GABRP: variants seen among roughly 807,000 people sequenced by gnomAD.
The protein encoded by GABRP is gamma-aminobutyric acid receptor subunit pi.
A neutral mutation model predicts 47.8 loss-of-function variants in GABRP; 52 were observed. That is an observed-to-expected ratio of 1.09 (90% confidence interval 0.87 to 1.37). The LOEUF is 1.37. Among genes scored for constraint, GABRP ranks in the 40% most tolerant of loss-of-function variants. The pLI is 0.00. For synonymous variants in GABRP, 221 were observed against 205.8 expected (o/e 1.07, Z -0.63); for missense variants, 525 against 542.8 (o/e 0.97, Z 0.33).
intron 4 of GABRP, among the ~76,000 whole-genome samples, chr5:170,794,990 A>C (rs11953013): frequency 0.038 from 5,516 of 146,244 alleles, 333 homozygotes; most frequent in African/African-American, 0.13. Context: ...TATGCCACTA[A>C]CCCAAGACTG....
intron 4 of GABRP, among the ~76,000 whole-genome samples, chr5:170,794,715 A>G (rs1237940274): frequency 6.6e-6 from 1 of 152,116 alleles, no homozygotes; most frequent in Non-Finnish European, 1.5e-5. Flanking sequence ...GATGCTGACA[A>G]CGACTGTCTC....
chr5:170,809,736 A>G lies in GABRP; in HGVS notation c.1001A>G (p.Gln334Arg). ...GTTGCTCACTACAGTTCCTTACAGC[A>G]GATGGCAGCCAAAGATAGGGTAAGA... ...YAVAHYSSLQ[Q>R]MAAKDRGTTK... The change falls in exon 9 of 10, where the codon CAG becomes CGG. Residue 334 changes from glutamine (Q) to arginine (R), a missense_variant. By Grantham distance (43) the Gln-to-Arg change is conservative. Coordinates refer to ENST00000265294, the MANE Select transcript of GABRP (RefSeq NM_014211.3). 1.3e-6 allele frequency: 2 copies of G among 1,598,442 alleles called. No homozygotes were observed. The highest frequency in any genetic ancestry group is 1.7e-6 in the Non-Finnish European group (2 of 1,172,400).
Position 170,798,876 on chromosome 5 carries a change from C to T in GABRP, c.541+1328C>T, listed in dbSNP as rs866234514. ...GTTTGTTACATATGTATACATGTGC[C>T]GTGTTGGTGTGCTGCACCCATTAAC... On this transcript the variant is annotated intron_variant, in intron 6 of 9. Coordinates refer to ENST00000265294, the MANE Select transcript of GABRP (RefSeq NM_014211.3). Among the ~76,000 whole-genome samples, 12 of 151,756 alleles carry T rather than the reference C, an allele frequency of 7.9e-5. No homozygotes were observed. In the South Asian group the frequency reaches 8.3e-4, roughly 11 times the overall value.
rs1765833422 is a variant in GABRP, at chr5:170,809,742, C to A, written c.1007C>A (p.Ala336Glu). Residue 336 changes from alanine (A) to glutamate (E), a missense_variant, in exon 9 of 10, where the codon GCA becomes GAA. By Grantham distance (107) the Ala-to-Glu change is moderately radical (BLOSUM62 -1). Transcript: ENST00000265294. The part of the protein sequence containing the change: ...VAHYSSLQQM[A>E]AKDRGTTKEV... The stretch of plus-strand genomic sequence containing the variant: ...CACTACAGTTCCTTACAGCAGATGG[C>A]AGCCAAAGATAGGGTAAGAGTCTTG... The A allele has an allele frequency of 6.3e-7, 1 of 1,594,598 alleles. No homozygotes were observed. The highest frequency in any genetic ancestry group is 8.5e-7 in the Non-Finnish European group (1 of 1,170,656).
rs1046440659 is a variant in GABRP at position 170,809,495 on chromosome 5, G to T, written c.833-73G>T. 1.2e-5 allele frequency: 18 copies of T among 1,465,090 alleles called. No homozygotes were observed. In the African/African-American group the frequency reaches 2.5e-4, roughly 20 times the overall value. 90.8% of individuals were successfully genotyped at this position (1,465,090 alleles called of 1,614,324 possible). On this transcript the variant is annotated intron_variant, in intron 8 of 9. Transcript: ENST00000265294. ...CCCTCACCCTGCCAATTCTCAAATG[G>T]GGACACTCTGCCAGGCTATGGTGGA...
chr5:170,795,535 A>C lies in GABRP; in HGVS notation c.458+110A>C, dbSNP rs115055063. The C allele has an allele frequency of 8.9e-3, 7,163 of 802,856 alleles. 53 individuals carry two copies. The highest frequency in any genetic ancestry group is 0.012 in the Non-Finnish European group (5,632 of 473,212). The allele number at this position is 802,856 out of a possible 1,614,324, so 49.7% of individuals were successfully genotyped here. ...ACTCAAATAGCCACTGTGAGGTCCC[A>C]TGGCTTCTTAGATCCTTGCCCCCAT... On this transcript the variant is annotated intron_variant, in intron 5 of 9. Transcript: ENST00000265294.
rs868598203 is a variant in GABRP, at chr5:170,796,471, G to A, written c.459-995G>A. On this transcript the variant is annotated intron_variant, in intron 5 of 9. Transcript: ENST00000265294. ...ATTGTGTAAGGATTACAAATAATGA[G>A]TGATGTTTTAATAGCCTGGCTCTAG... Among the ~76,000 whole-genome samples the A allele has an allele frequency of 3.3e-5, 5 of 152,316 alleles. No individual in the cohort carries two copies. The Middle Eastern group carries it at 0.017, about 518-fold the overall frequency.
At chr5:170,793,356 C>T (rs1011177634) in intron 3 of GABRP, among the ~76,000 whole-genome samples, 1 of 152,196 alleles carries the variant, frequency 6.6e-6, no homozygotes, top group Non-Finnish European at 1.5e-5. Context: ...CCTGGCCTGG[C>T]TTCTTGAAGG....
At position 170,800,265 on chromosome 5, in the gene GABRP, G is replaced by A. The variant is rs1581599904; in HGVS notation, c.541+2717G>A. Among the ~76,000 whole-genome samples the A allele has an allele frequency of 2.6e-5, 4 of 152,260 alleles. No individual in the cohort carries two copies. In the South Asian group the frequency reaches 8.3e-4, roughly 32 times the overall value. ...GAAAGGATTCCCTACTTAACAAATG[G>A]TGCTGGGAAAACTGGCTAGCCATAT... On this transcript the variant is annotated intron_variant, in intron 6 of 9. Transcript: ENST00000265294.
intron 7 of GABRP, among the ~76,000 whole-genome samples, chr5:170,806,060 G>T (rs1765727614): frequency 6.6e-6 from 1 of 152,188 alleles, no homozygotes; most frequent in South Asian, 2.1e-4. Context: ...CAGCTCTGAA[G>T]CCTTGCACCA....
chr5:170,810,033 G>A (rs1456400925), intron 9 of GABRP: 1 of 696,498 alleles, frequency 1.4e-6, no homozygotes, highest in Non-Finnish European at 2.6e-6. Context: ...ACAGGAGCAA[G>A]CATCCATGAA....
Position 170,805,833 on chromosome 5 carries a change from C to G in GABRP, c.659C>G (p.Thr220Ser), listed in dbSNP as rs1388872964. The change falls in exon 7 of 10, where the codon ACC becomes AGC. Residue 220 changes from threonine (T) to serine (S), a missense_variant. Physicochemically the swap from Thr to Ser is moderately conservative, Grantham distance 58 (BLOSUM62 1). Coordinates refer to ENST00000265294, the MANE Select transcript of GABRP (RefSeq NM_014211.3). ...ATAGAGCGGTATTTCACCTTAGTCA[C>G]CAGATCGCAGCAGGAGACAGGTAAC... ...YTIERYFTLV[T>S]RSQQETGNYT... is the part of the protein sequence containing the mutation. The G allele has an allele frequency of 9.3e-6, 15 of 1,613,992 alleles. No homozygotes were observed. The East Asian group carries it at 1.1e-4, about 12-fold the overall frequency.
intron 2 of GABRP, 55 bp downstream of exon 2, chr5:170,788,723 A>G (rs537861775): frequency 1.3e-6 from 2 of 1,553,274 alleles, no homozygotes; most frequent in East Asian, 2.2e-5. Flanking sequence ...GCATTCGGGC[A>G]TGTGGTGGGA....
chr5:170,811,700 C>A (rs1765886600), intron 9 of GABRP, among the ~76,000 whole-genome samples: 1 of 152,182 alleles, frequency 6.6e-6, no homozygotes, highest in Non-Finnish European at 1.5e-5. Context: ...ATCTGGCACA[C>A]TGCTCAGGAT....
intron 1 of GABRP, among the ~76,000 whole-genome samples, chr5:170,787,647 T>C (rs1214392836): frequency 6.6e-6 from 1 of 152,052 alleles, no homozygotes; most frequent in African/African-American, 2.4e-5. Flanking sequence ...GGATTCAAAG[T>C]CTCCCCTGGC....
intron 2 of GABRP, 36 bp downstream of exon 2, chr5:170,788,704 C>G: frequency 6.2e-7 from 1 of 1,601,600 alleles, no homozygotes; most frequent in Non-Finnish European, 8.6e-7. Flanking sequence ...CCTCCATCTG[C>G]GTTGCTTTGC....
chr5:170,792,271 C>T (rs570026279), intron 3 of GABRP, among the ~76,000 whole-genome samples: 51 of 152,124 alleles, frequency 3.4e-4, no homozygotes, highest in African/African-American at 1.2e-3. Flanking sequence ...GGTGAAACCC[C>T]ATCTTTACTA....
chr5:170,791,778 T>C (rs1765277268), intron 3 of GABRP, among the ~76,000 whole-genome samples: 2 of 152,216 alleles, frequency 1.3e-5, no homozygotes, highest in Admixed American at 1.3e-4. Flanking sequence ...CAACTCTCAA[T>C]GGTTGGCACT....
At chr5:170,796,180 G>A (rs755543717) in intron 5 of GABRP, among the ~76,000 whole-genome samples, 11 of 152,220 alleles carry the variant, frequency 7.2e-5, no homozygotes, top group Non-Finnish European at 1.5e-4. Flanking sequence ...AGAGTCTAAA[G>A]TTATAAAACA....
Sources: gnomAD v4.1 joint callset for allele counts (sites outside exome capture counted in the v4.1 genomes callset) on GRCh38, gnomAD v4.1.1 for gene constraint, MANE v1.5 for transcripts, NCBI Gene and HGNC (gene_info 2026-07-23, HGNC 2026-07-21) for gene names.